Variants in FANCA observed in about 807,000 individuals in gnomAD.
FANCA encodes the protein FA complementation group A, also known as Fanconi anemia group A protein.
FANCA carries 236 observed loss-of-function variants against 194.3 expected under a neutral mutation model. The observed-to-expected ratio is 1.21, with a 90% confidence interval of 1.09 to 1.35. The LOEUF (loss-of-function observed/expected upper bound fraction) is 1.35. FANCA is among the 40% of genes most tolerant of loss of function. The pLI is 0.00. For missense variants in FANCA, 2,628 were observed against 1,813.9 expected, an observed-to-expected ratio of 1.45 and a Z score of -8.15; for synonymous variants, 1,014 against 715.8, an observed-to-expected ratio of 1.42 and a Z score of -6.65.
At chr16:89,799,262 A>C in intron 9 of FANCA, 30 bp from the exon 10 acceptor site, 1 of 1,613,230 alleles carries the variant, frequency 6.2e-7, no homozygotes, top group Non-Finnish European at 8.5e-7. Context: ...CAGAAAACAG[A>C]TGTCAGCACA....
chr16:89,757,588 A>T (rs879415070), intron 30 of FANCA, among the ~76,000 whole-genome samples: 1 of 152,206 alleles, frequency 6.6e-6, no homozygotes, highest in East Asian at 1.9e-4. Flanking sequence ...GGCAGGAGAC[A>T]TGGGGGGAAG....
Position 89,799,187 on chromosome 16 carries a change from G to T in FANCA, c.872C>A (p.Thr291Asn), listed in dbSNP as rs200820064. 8 of 1,614,168 alleles carry T rather than the reference G, an allele frequency of 5.0e-6. No individual in the cohort carries two copies. The highest frequency in any genetic ancestry group is 6.8e-6 in the Non-Finnish European group (8 of 1,180,040). Residue 291 changes from threonine (T) to asparagine (N), a missense_variant, in exon 10 of 43, where the codon ACT becomes AAT. Transcript: ENST00000389301. ...ATACCAGCACCTCACGATCTTGTGA[G>T]TGGAGGACTCCTCCTGTACTCCAGC... ...LAAGVQEESS[T>N]HKIVRCWFGV... is the part of the protein sequence containing the mutation.
rs1211207778 is a variant in FANCA at position 89,738,343 on chromosome 16, G to A, written c.*258C>T. 27 of 1,490,480 alleles carry A rather than the reference G, an allele frequency of 1.8e-5. No homozygotes were observed. The highest frequency in any genetic ancestry group is 2.4e-5 in the Non-Finnish European group (27 of 1,119,404). 92.3% of individuals were successfully genotyped at this position (1,490,480 alleles called of 1,614,324 possible). A position where few individuals can be genotyped will look rare whatever the true frequency, so the allele number is the denominator to read the frequency against. On this transcript the variant is annotated 3_prime_UTR_variant, in exon 43 of 43. Transcript: ENST00000389301. The stretch of plus-strand genomic sequence containing the variant: ...TGCACCCGCATGGGAGGGTCGGAGG[G>A]TGCTGCCCGCCCTTGGTGCTGGAGG...
chr16:89,771,865 T>C (rs2039339144), intron 22 of FANCA, 51 bp from the exon 23 acceptor site: 2 of 1,609,724 alleles, frequency 1.2e-6, no homozygotes, highest in Non-Finnish European at 1.7e-6. Flanking sequence ...AAAGGAGGGA[T>C]ACAGCTGCGG....
chr16:89,816,200 G>A lies in FANCA; in HGVS notation c.80-214C>T. On this transcript the variant is annotated intron_variant, in intron 1 of 42. Transcript: ENST00000389301. Reference sequence around the variant, plus strand: ...ACGGCCCAGGAGGGCCCGAGGCAGGGGAGCCCGGGGACGGCTGGCGAGGGG... The same window carrying A: ...ACGGCCCAGGAGGGCCCGAGGCAGGAGAGCCCGGGGACGGCTGGCGAGGGG... The A allele has an allele frequency of 5.3e-6, 3 of 569,934 alleles. No individual in the cohort carries two copies. In the South Asian group the frequency reaches 5.4e-5, roughly 10 times the overall value. The allele number at this position is 569,934 out of a possible 1,614,324, so 35.3% of individuals were successfully genotyped here.
chr16:89,783,821 T>C (rs959888286), intron 15 of FANCA, among the ~76,000 whole-genome samples: 3 of 151,970 alleles, frequency 2.0e-5, no homozygotes, highest in African/African-American at 7.2e-5. Flanking sequence ...TGGAGTGCAA[T>C]GGTGCAGTCT....
chr16:89,745,566 C>G (rs564643616), intron 35 of FANCA, among the ~76,000 whole-genome samples: 1 of 93,398 alleles, frequency 1.1e-5, no homozygotes, highest in South Asian at 4.4e-4. Flanking sequence ...CCACACTCCT[C>G]TGAGCTGGGA....
At chr16:89,760,765 T>G (rs1418361093) in intron 29 of FANCA, among the ~76,000 whole-genome samples, 1 of 151,988 alleles carries the variant, frequency 6.6e-6, no homozygotes, top group Non-Finnish European at 1.5e-5. Context: ...CTCCTCAAAG[T>G]CTGCACCACC....
At chr16:89,812,967 A>T (rs994831618) in intron 3 of FANCA, among the ~76,000 whole-genome samples, 8 of 149,994 alleles carry the variant, frequency 5.3e-5, no homozygotes, top group Non-Finnish European at 1.2e-4. Flanking sequence ...CAGGAGGCAG[A>T]GTTTGTAGTG....
chr16:89,780,654 C>T (rs1023029194), intron 17 of FANCA, among the ~76,000 whole-genome samples: 4 of 150,970 alleles, frequency 2.6e-5, no homozygotes, highest in Non-Finnish European at 4.4e-5. Flanking sequence ...TGAGGCCAGG[C>T]GCGGCAGCTC....
Position 89,810,440 on chromosome 16 carries a change from T to G in FANCA, c.522+267A>C, listed in dbSNP as rs377727550. 187 of 428,710 alleles carry G rather than the reference T, an allele frequency of 4.4e-4. 1 individual carries two copies. Among genetic ancestry groups the G allele is most frequent in the African/African-American group, 3.6e-3 (179 of 50,160 alleles). The allele number at this position is 428,710 out of a possible 1,614,324, so 26.6% of individuals were successfully genotyped here. A position where few individuals can be genotyped will look rare whatever the true frequency, so the allele number is the denominator to read the frequency against. On this transcript the variant is annotated intron_variant, in intron 5 of 42. Transcript: ENST00000389301. Reference sequence around the variant, plus strand: ...TACTACCCTGGAAAATTCTCCATACTAATATACCCAAGGCTAAACGTGTTT... The same window carrying G: ...TACTACCCTGGAAAATTCTCCATACGAATATACCCAAGGCTAAACGTGTTT...
intron 3 of FANCA, among the ~76,000 whole-genome samples, chr16:89,813,821 T>TGTGC (rs1416901213): frequency 6.6e-6 from 1 of 151,872 alleles, no homozygotes; most frequent in Admixed American, 6.6e-5. Flanking sequence ...TGTGTGTGTG[T>TGTGC]GTGTGTGTGT....
rs372180286 is a variant in FANCA at position 89,814,575 on chromosome 16, T to C, written c.228A>G (p.Lys76=). 30 of 1,613,864 alleles carry C rather than the reference T, an allele frequency of 1.9e-5. No homozygotes were observed. Among genetic ancestry groups the C allele is most frequent in the Non-Finnish European group, 2.5e-5 (30 of 1,179,866 alleles). ...GPLCKKLSLS[K]VIDCDSSEAY... ...CCTCAGAACTGTCACAGTCAATCACTTTGCTGAGAGACAATTTTTTACACA... is the reference window on the plus strand; with the variant it reads ...CCTCAGAACTGTCACAGTCAATCACCTTGCTGAGAGACAATTTTTTACACA... The change falls in exon 3 of 43, where the codon AAA becomes AAG. Residue 76 remains lysine (K), a synonymous_variant. Transcript: ENST00000389301.
At chr16:89,760,010 G>A (rs1175571963) in intron 29 of FANCA, among the ~76,000 whole-genome samples, 4 of 151,822 alleles carry the variant, frequency 2.6e-5, no homozygotes, top group Non-Finnish European at 4.4e-5. Flanking sequence ...CTCCACCCAC[G>A]CTGTCCGGAA....
intron 14 of FANCA, among the ~76,000 whole-genome samples, chr16:89,786,721 GAC>G (rs1312754776): frequency 1.3e-5 from 2 of 152,204 alleles, no homozygotes; most frequent in African/African-American, 4.8e-5. Context: ...CTCTGAGAGG[GAC>G]AGAGTCACGG....
intron 42 of FANCA, 57 bp from the exon 43 acceptor site, chr16:89,738,765 G>C (rs2151710229): frequency 1.9e-6 from 3 of 1,612,610 alleles, no homozygotes; most frequent in East Asian, 4.5e-5. Flanking sequence ...CAGACCACAG[G>C]GGAGGGGCTC....
chr16:89,746,067 G>T (rs969474585), intron 35 of FANCA, among the ~76,000 whole-genome samples: 1 of 152,180 alleles, frequency 6.6e-6, no homozygotes, highest in Non-Finnish European at 1.5e-5. Flanking sequence ...GAGCCGCCAG[G>T]GAAGTGAGGG....
chr16:89,760,460 G>C (rs768896555), intron 29 of FANCA, among the ~76,000 whole-genome samples: 2 of 152,230 alleles, frequency 1.3e-5, no homozygotes, highest in Non-Finnish European at 2.9e-5. Context: ...GAGGAGCACA[G>C]GGTGGCTGTT....
rs757500718 is a variant in FANCA at position 89,799,647 on chromosome 16, A to G, written c.793-9T>C. ...AGTACATCAACCGTGACCTGTCAAAATAGAATGTGAGTTACCATCTTGGTA... is the reference window on the plus strand; with the variant it reads ...AGTACATCAACCGTGACCTGTCAAAGTAGAATGTGAGTTACCATCTTGGTA... On this transcript the variant is annotated splice_polypyrimidine_tract_variant and intron_variant, in intron 8 of 42. Transcript: ENST00000389301. 4.6e-5 allele frequency: 74 copies of G among 1,610,208 alleles called. 1 individual carries two copies. In the Middle Eastern group the frequency reaches 1.5e-3, roughly 32 times the overall value.
Sources: gnomAD v4.1 joint callset for allele counts (sites outside exome capture counted in the v4.1 genomes callset) on GRCh38, gnomAD v4.1.1 for gene constraint, MANE v1.5 for transcripts, NCBI Gene and HGNC (gene_info 2026-07-23, HGNC 2026-07-21) for gene names.